Variants in ATRX observed in about 807,000 individuals in gnomAD.
ATRX encodes ATRX chromatin remodeler.
In ATRX, 12 loss-of-function variants were observed where a neutral mutation model predicts 172.6. That is an observed-to-expected ratio of 0.07 (90% CI 0.04 to 0.11). The LOEUF (loss-of-function observed/expected upper bound fraction) is 0.11. ATRX is among the 10% of genes least tolerant of loss of function. ATRX has a pLI of 1.00. For missense variants in ATRX, 1,368 were observed against 1,767.4 expected, an observed-to-expected ratio of 0.77 and a Z score of 4.05; for synonymous variants, 674 against 594.7, an observed-to-expected ratio of 1.13 and a Z score of -1.94.
chrX:77,599,852 AG>A, intron 23 of ATRX, 32 bp from the exon 24 acceptor site: 1 of 1,051,184 alleles, frequency 9.5e-7, no homozygotes, highest in East Asian at 3.0e-5. Context: ...CTATTTTAAT[AG>A]AATATCTCAA....
chrX:77,521,046 A>G, intron 33 of ATRX, 130 bp from the exon 34 acceptor site: 1 of 687,966 alleles, frequency 1.5e-6, no homozygotes, highest in Non-Finnish European at 2.1e-6. Flanking sequence ...TCTGAAGAAA[A>G]ACATGATGCA....
At chrX:77,673,957 AG>A (rs1965851896) in intron 10 of ATRX, 1 of 111,254 alleles carries the variant, frequency 9.0e-6, no homozygotes, top group African/African-American at 3.2e-5. Flanking sequence ...ACAAGAAAAA[AG>A]GTTTACAAAA....
intron 1 of ATRX, among the ~76,000 whole-genome samples, chrX:77,749,281 T>C (rs1203957713): frequency 9.0e-6 from 1 of 111,307 alleles, no homozygotes; most frequent in Non-Finnish European, 1.9e-5. Context: ...ACATGATTTT[T>C]TTTTCTTTTT....
At chrX:77,567,952 T>A (rs1205740213) in intron 28 of ATRX, among the ~76,000 whole-genome samples, 1 of 111,003 alleles carries the variant, frequency 9.0e-6, no homozygotes, top group African/African-American at 3.3e-5. Flanking sequence ...AAAGATGAAT[T>A]CTGAAATAAA....
intron 1 of ATRX, among the ~76,000 whole-genome samples, chrX:77,763,856 G>A (rs1384051262): frequency 2.7e-5 from 3 of 110,911 alleles, no homozygotes; most frequent in African/African-American, 9.8e-5. Context: ...GTGCACACCT[G>A]TAATCCCAGC....
chrX:77,722,353 T>C (rs1207345656), intron 1 of ATRX, among the ~76,000 whole-genome samples: 2 of 108,699 alleles, frequency 1.8e-5, no homozygotes, highest in Non-Finnish European at 3.8e-5. Context: ...AAAGACCTTC[T>C]GCACAGCAAA....
Position 77,735,598 on chromosome X carries a change from C to CTAAATAAATAAATAAA in ATRX, c.21-18371_21-18356dup, listed in dbSNP as rs200045391. The stretch of plus-strand genomic sequence containing the variant: ...CAGAGCAAGACTCCGTCTCAAAAAA[C>CTAAATAAATAAATAAA]TAAATAAATAAATAAATAAATAAAT... On this transcript the variant is annotated intron_variant, in intron 1 of 34. Coordinates refer to ENST00000373344, the MANE Select transcript of ATRX (RefSeq NM_000489.6). Among the ~76,000 whole-genome samples, 14 of 60,133 alleles carry CTAAATAAATAAATAAA rather than the reference C, an allele frequency of 2.3e-4. No individual in the cohort carries two copies. The South Asian group carries it at 2.7e-3, about 11-fold the overall frequency. 52.2% of individuals were successfully genotyped at this position (60,133 alleles called of 115,157 possible). A position where few individuals can be genotyped will look rare whatever the true frequency, so the allele number is the denominator to read the frequency against.
intron 19 of ATRX, among the ~76,000 whole-genome samples, chrX:77,626,044 T>TGC (rs2067826317): frequency 2.2e-4 from 5 of 22,389 alleles, no homozygotes; most frequent in African/African-American, 9.9e-4. Context: ...TATATATATA[T>TGC]ATATATATAT....
At position 77,695,061 on chromosome X, in the gene ATRX, CAA is replaced by C. The variant is rs200336160; in HGVS notation, c.371-1126_371-1125del. Reference sequence around the variant, plus strand: ...AAAGATTTTAAATTAACAACAACGACAAAAAAAAAAAAAAACTGAATTCTCCC... The same window carrying C: ...AAAGATTTTAAATTAACAACAACGACAAAAAAAAAAAAACTGAATTCTCCC... On this transcript the variant is annotated intron_variant, in intron 5 of 34. Coordinates refer to ENST00000373344, the MANE Select transcript of ATRX (RefSeq NM_000489.6). 2.2e-3 allele frequency among the ~76,000 whole-genome samples: 199 copies of C among 89,945 alleles called. No individual in the cohort carries two copies. In the East Asian group the frequency reaches 0.039, roughly 18 times the overall value. 78.1% of individuals were successfully genotyped at this position (89,945 alleles called of 115,157 possible).
intron 22 of ATRX, among the ~76,000 whole-genome samples, chrX:77,611,953 T>C (rs1385890832): frequency 8.9e-6 from 1 of 112,006 alleles, no homozygotes; most frequent in African/African-American, 3.2e-5. Context: ...ATTATGGAAG[T>C]TTTACATATA....
chrX:77,701,220 T>C (rs1205744660), intron 2 of ATRX, among the ~76,000 whole-genome samples: 1 of 111,595 alleles, frequency 9.0e-6, no homozygotes, highest in Non-Finnish European at 1.9e-5. Flanking sequence ...TAAAAATATC[T>C]TTTTTTTCTG....
At chrX:77,638,954 G>A (rs951302435) in intron 15 of ATRX, among the ~76,000 whole-genome samples, 1 of 112,318 alleles carries the variant, frequency 8.9e-6, no homozygotes, top group Non-Finnish European at 1.9e-5. Context: ...CATAGGCTAA[G>A]TATTCACTAA....
chrX:77,632,228 T>A, intron 19 of ATRX, among the ~76,000 whole-genome samples: 1 of 42,658 alleles, frequency 2.3e-5, no homozygotes. Flanking sequence ...CCCTTCATGT[T>A]AGAAGCTTTA....
chrX:77,582,334 A>C (rs782523428), intron 27 of ATRX, among the ~76,000 whole-genome samples: 1,245 of 109,071 alleles, frequency 0.011, 9 homozygotes, highest in South Asian at 0.019. Context: ...TGAGAGGCAG[A>C]GGTTGCAGTG....
intron 7 of ATRX, 57 bp downstream of exon 7, chrX:77,688,761 G>T: frequency 2.0e-6 from 2 of 990,228 alleles, no homozygotes; most frequent in Non-Finnish European, 2.9e-6. Flanking sequence ...CAAAGGCCTG[G>T]TATATGGTAA....
At chrX:77,574,446 T>C (rs1557069293) in intron 27 of ATRX, 88 bp from the exon 28 acceptor site, 12 of 640,947 alleles carry the variant, frequency 1.9e-5, no homozygotes, top group Non-Finnish European at 2.6e-5. Flanking sequence ...GCTCATCATT[T>C]AAAAGTGGGT....
intron 19 of ATRX, among the ~76,000 whole-genome samples, chrX:77,622,234 T>TAGA (rs2067622804): frequency 8.9e-6 from 1 of 111,923 alleles, no homozygotes; most frequent in African/African-American, 3.2e-5. Flanking sequence ...CACGGTTTGT[T>TAGA]ACGGAGGAAA....
At chrX:77,600,374 T>C in intron 23 of ATRX, 60 bp downstream of exon 23, 1 of 1,188,559 alleles carries the variant, frequency 8.4e-7, no homozygotes, top group South Asian at 1.8e-5. Context: ...GTAGGTCAAT[T>C]TTTTGTCTAA....
At chrX:77,687,960 G>A (rs5912927) in intron 7 of ATRX, among the ~76,000 whole-genome samples, 5,497 of 111,341 alleles carry the variant, frequency 0.049, 161 homozygotes, top group Non-Finnish European at 0.078. Flanking sequence ...TTACTGAGAC[G>A]AAATTTCCCT....
Sources: allele counts gnomAD v4.1 joint callset (sites outside exome capture counted in the v4.1 genomes callset), GRCh38; gene constraint gnomAD v4.1.1; transcripts MANE v1.5; gene names NCBI Gene and HGNC (gene_info 2026-07-23, HGNC 2026-07-21).